SPOCK1: variants seen among roughly 807,000 people sequenced by gnomAD.
SPOCK1 encodes SPARC (osteonectin), cwcv and kazal like domains proteoglycan 1, also known as testican-1.
Under a neutral mutation model 55.3 loss-of-function variants are expected in SPOCK1, and 23 were observed. The observed-to-expected ratio is 0.42, with a 90% CI of 0.30 to 0.59. The LOEUF (loss-of-function observed/expected upper bound fraction) is 0.59, where lower values mean the gene tolerates loss of function less well. Among genes scored for constraint, SPOCK1 ranks in the 20% least tolerant of loss-of-function variants. SPOCK1 has a pLI of 0.22. For missense variants in SPOCK1, 499 were observed against 552.5 expected (o/e 0.90, Z 0.97); for synonymous variants, 226 against 221.0 (o/e 1.02, Z -0.20).
intron 2 of SPOCK1, among the ~76,000 whole-genome samples, chr5:137,310,801 C>G (rs1206808257): frequency 1.3e-5 from 2 of 152,132 alleles, no homozygotes; most frequent in Non-Finnish European, 2.9e-5. Flanking sequence ...TGGCTATTTT[C>G]TACTGAATAA....
At chr5:137,226,721 C>T (rs1346867689) in intron 3 of SPOCK1, among the ~76,000 whole-genome samples, 4 of 152,226 alleles carry the variant, frequency 2.6e-5, no homozygotes, top group Admixed American at 2.6e-4. Flanking sequence ...GTTGTTCCCT[C>T]TGCGTGGAAG....
chr5:137,259,151 A>G (rs897624124), intron 3 of SPOCK1, among the ~76,000 whole-genome samples: 2 of 152,232 alleles, frequency 1.3e-5, no homozygotes, highest in Non-Finnish European at 2.9e-5. Context: ...AAGAAAACAA[A>G]GGCTTATAAA....
chr5:137,142,504 G>C (rs1754119175), intron 3 of SPOCK1, among the ~76,000 whole-genome samples: 1 of 152,244 alleles, frequency 6.6e-6, no homozygotes, highest in Non-Finnish European at 1.5e-5. Flanking sequence ...CATCTGGAAA[G>C]TAATAAGACC....
intron 2 of SPOCK1, among the ~76,000 whole-genome samples, chr5:137,385,487 G>T (rs1381707100): frequency 6.6e-6 from 1 of 152,152 alleles, no homozygotes; most frequent in African/African-American, 2.4e-5. Flanking sequence ...AGAGTAACCA[G>T]CAAATAGTAC....
At chr5:137,157,550 T>G (rs1262455563) in intron 3 of SPOCK1, among the ~76,000 whole-genome samples, 1 of 152,196 alleles carries the variant, frequency 6.6e-6, no homozygotes, top group Non-Finnish European at 1.5e-5. Flanking sequence ...TTCCTCCCAG[T>G]GCTTTTGCTG....
intron 6 of SPOCK1, among the ~76,000 whole-genome samples, chr5:137,028,935 G>A (rs1751728224): frequency 6.6e-6 from 1 of 152,184 alleles, no homozygotes; most frequent in South Asian, 2.1e-4. Flanking sequence ...TCAGTCCATG[G>A]ATGGTCATGT....
chr5:137,070,089 G>A (rs1462402068), intron 5 of SPOCK1, among the ~76,000 whole-genome samples: 2 of 152,096 alleles, frequency 1.3e-5, no homozygotes, highest in African/African-American at 4.8e-5. Context: ...TTAGTAGGAG[G>A]GATGCAAGCC....
intron 2 of SPOCK1, chr5:137,313,505 C>T (rs1423649601): frequency 1.9e-5 from 19 of 985,326 alleles, no homozygotes; most frequent in Admixed American, 6.1e-5. Flanking sequence ...ACAAGGACAC[C>T]AGCAGCCTCA....
intron 3 of SPOCK1, among the ~76,000 whole-genome samples, chr5:137,249,027 A>G (rs1360096929): frequency 6.6e-6 from 1 of 152,204 alleles, no homozygotes; most frequent in East Asian, 1.9e-4. Context: ...AATTCTCTAC[A>G]AACTATTTTG....
intron 2 of SPOCK1, among the ~76,000 whole-genome samples, chr5:137,363,713 A>T (rs1668709329): frequency 6.6e-6 from 1 of 152,214 alleles, no homozygotes; most frequent in South Asian, 2.1e-4. Context: ...CAAAATAAAT[A>T]CAGGGGGATA....
chr5:137,259,906 A>T (rs1184929797), intron 3 of SPOCK1, among the ~76,000 whole-genome samples: 1 of 152,178 alleles, frequency 6.6e-6, no homozygotes, highest in Non-Finnish European at 1.5e-5. Flanking sequence ...TAAAAGGCCC[A>T]TTTAATTCCA....
chr5:137,259,824 A>C (rs1314867250), intron 3 of SPOCK1, among the ~76,000 whole-genome samples: 1 of 152,236 alleles, frequency 6.6e-6, no homozygotes, highest in South Asian at 2.1e-4. Flanking sequence ...ACAGTGTCCC[A>C]TAGGATTCTG....
intron 4 of SPOCK1, among the ~76,000 whole-genome samples, chr5:137,127,653 A>G (rs1753802920): frequency 6.6e-6 from 1 of 152,186 alleles, no homozygotes; most frequent in Non-Finnish European, 1.5e-5. Context: ...TGAAGTTTTG[A>G]CTTACTTGGG....
At chr5:137,396,866 G>T (rs1171607873) in intron 2 of SPOCK1, among the ~76,000 whole-genome samples, 1 of 152,190 alleles carries the variant, frequency 6.6e-6, no homozygotes, top group Non-Finnish European at 1.5e-5. Context: ...ACCCAAGAGA[G>T]GGTGTCTCAG....
intron 2 of SPOCK1, among the ~76,000 whole-genome samples, chr5:137,436,325 A>G (rs1446283470): frequency 6.6e-6 from 1 of 152,190 alleles, no homozygotes; most frequent in Non-Finnish European, 1.5e-5. Flanking sequence ...TTTGGTATAT[A>G]GGGTGAGGAA....
At chr5:137,221,303 C>T (rs1227144068) in intron 3 of SPOCK1, among the ~76,000 whole-genome samples, 2 of 152,118 alleles carry the variant, frequency 1.3e-5, no homozygotes, top group African/African-American at 4.8e-5. Flanking sequence ...TATAAAAGTC[C>T]AGGCCCATTT....
At chr5:137,161,299 C>T (rs2127052127) in intron 3 of SPOCK1, among the ~76,000 whole-genome samples, 1 of 150,646 alleles carries the variant, frequency 6.6e-6, no homozygotes, top group South Asian at 2.1e-4. Context: ...TATTCCAGGC[C>T]ATATATATAT....
chr5:137,017,833 A>C (rs1751478064), intron 6 of SPOCK1, among the ~76,000 whole-genome samples: 1 of 152,248 alleles, frequency 6.6e-6, no homozygotes, highest in Non-Finnish European at 1.5e-5. Flanking sequence ...AATCGAGTAT[A>C]AAAATGAAAG....
At chr5:137,447,348 A>G (rs1753150840) in intron 2 of SPOCK1, among the ~76,000 whole-genome samples, 2 of 152,172 alleles carry the variant, frequency 1.3e-5, no homozygotes, top group South Asian at 4.1e-4. Flanking sequence ...ATGCCCCTGA[A>G]TACACAGAGG....
Sources: gnomAD v4.1 joint callset for allele counts (sites outside exome capture counted in the v4.1 genomes callset) on GRCh38, gnomAD v4.1.1 for gene constraint, MANE v1.5 for transcripts, NCBI Gene and HGNC (gene_info 2026-07-23, HGNC 2026-07-21) for gene names.